Variants in RABGAP1 observed in about 807,000 individuals in gnomAD.
RABGAP1 encodes RAB GTPase activating protein 1.
Under a neutral mutation model 137.6 loss-of-function variants are expected in RABGAP1, and 23 were observed. The observed-to-expected ratio is 0.17, with a 90% CI of 0.12 to 0.24. RABGAP1 has a LOEUF of 0.24. Among genes scored for constraint, RABGAP1 ranks in the 10% least tolerant of loss-of-function variants. The pLI is 1.00. For missense variants in RABGAP1, 906 were observed against 1,275.8 expected (o/e 0.71, Z 4.42); for synonymous variants, 451 against 450.7 (o/e 1.00, Z -0.01).
intron 12 of RABGAP1, among the ~76,000 whole-genome samples, chr9:123,019,100 A>G (rs2031443052): frequency 6.6e-6 from 1 of 152,202 alleles, no homozygotes; most frequent in South Asian, 2.1e-4. Context: ...CACATTGTAC[A>G]TTTATACCAA....
At chr9:123,038,237 C>T (rs2032772693) in intron 13 of RABGAP1, among the ~76,000 whole-genome samples, 2 of 152,090 alleles carry the variant, frequency 1.3e-5, no homozygotes, top group African/African-American at 2.4e-5. Flanking sequence ...TTGACTCTTA[C>T]TCAAAATTCC....
intron 1 of RABGAP1, among the ~76,000 whole-genome samples, chr9:122,942,178 C>CA (rs1293955005): frequency 6.6e-6 from 1 of 151,478 alleles, no homozygotes; most frequent in African/African-American, 2.4e-5. Flanking sequence ...CAAAACAAAA[C>CA]AAAACAAAAA....
chr9:122,962,397 TA>T (rs1318488564), intron 2 of RABGAP1, among the ~76,000 whole-genome samples: 1 of 76,702 alleles, frequency 1.3e-5, no homozygotes, highest in Non-Finnish European at 5.9e-5. Flanking sequence ...TGTGTGTCTG[TA>T]GTCAGAAGGT....
chr9:123,052,484 GT>G (rs2033526160), intron 13 of RABGAP1, among the ~76,000 whole-genome samples: 1 of 152,204 alleles, frequency 6.6e-6, no homozygotes, highest in African/African-American at 2.4e-5. Context: ...TATTCAGTAA[GT>G]TTTTATCGGG....
intron 10 of RABGAP1, among the ~76,000 whole-genome samples, chr9:123,005,929 T>TGTTAAG (rs1257294720): frequency 6.6e-6 from 1 of 152,236 alleles, no homozygotes; most frequent in Non-Finnish European, 1.5e-5. Flanking sequence ...CTTAAGGATC[T>TGTTAAG]GTGAGGCAGT....
At chr9:123,064,101 CCT>C (rs1056768588) in intron 13 of RABGAP1, among the ~76,000 whole-genome samples, 2 of 152,124 alleles carry the variant, frequency 1.3e-5, no homozygotes, top group African/African-American at 2.4e-5. Flanking sequence ...GCTTGCTCTC[CCT>C]CTCTCTCCCA....
At chr9:123,031,839 G>A (rs900916789) in intron 13 of RABGAP1, among the ~76,000 whole-genome samples, 1 of 152,228 alleles carries the variant, frequency 6.6e-6, no homozygotes, top group Admixed American at 6.5e-5. Context: ...TGGAAAATGT[G>A]TGACTAGCAG....
At chr9:122,950,357 TTTTCTTTTTCTTTTTC>T (rs1413337987) in intron 1 of RABGAP1, among the ~76,000 whole-genome samples, 1 of 143,754 alleles carries the variant, frequency 7.0e-6, no homozygotes. Context: ...GGTGTCTTTT[TTTTCTTTTTCTTTTTC>T]TTTCTTTTTT....
chr9:123,046,103 C>A (rs1186970250), intron 13 of RABGAP1, among the ~76,000 whole-genome samples: 2 of 152,154 alleles, frequency 1.3e-5, no homozygotes, highest in Non-Finnish European at 2.9e-5. Flanking sequence ...TCCAGTTCTT[C>A]AACTGATGTT....
intron 2 of RABGAP1, among the ~76,000 whole-genome samples, chr9:122,973,802 G>A (rs979663834): frequency 3.9e-5 from 6 of 151,912 alleles, no homozygotes; most frequent in Admixed American, 3.9e-4. Flanking sequence ...CTGAGGTCAG[G>A]AGTTTGAGAC....
At chr9:122,948,323 G>C (rs940686330) in intron 1 of RABGAP1, among the ~76,000 whole-genome samples, 3 of 152,100 alleles carry the variant, frequency 2.0e-5, no homozygotes, top group African/African-American at 7.2e-5. Context: ...GATGGAGATA[G>C]GGACATCGAG....
At chr9:123,048,568 G>C (rs766092031) in intron 13 of RABGAP1, among the ~76,000 whole-genome samples, 1 of 152,194 alleles carries the variant, frequency 6.6e-6, no homozygotes, top group African/African-American at 2.4e-5. Flanking sequence ...GCTGTACTAA[G>C]AGAGCATTTG....
rs757014096 is a variant in RABGAP1, at chr9:122,996,093, G to A, written c.976G>A (p.Asp326Asn). The A allele has an allele frequency of 2.5e-6, 4 of 1,613,532 alleles. No homozygotes were observed. Among genetic ancestry groups the A allele is most frequent in the African/African-American group, 1.3e-5 (1 of 74,880 alleles). Residue 326 changes from aspartate (D) to asparagine (N), a missense_variant, in exon 7 of 26, where the codon GAT (aspartate) becomes AAT (asparagine). Coordinates refer to ENST00000373647, the MANE Select transcript of RABGAP1 (RefSeq NM_012197.4). ...RQCFKLRQGI[D>N]KKIVIYVQQT... ...GTGCTTTAAACTACGCCAAGGAATTGATAAGAAGATTGTCATCTATGTGCA... is the reference window on the plus strand; with the variant it reads ...GTGCTTTAAACTACGCCAAGGAATTAATAAGAAGATTGTCATCTATGTGCA...
intron 2 of RABGAP1, among the ~76,000 whole-genome samples, chr9:122,970,213 C>T (rs1198888516): frequency 2.0e-5 from 3 of 151,934 alleles, no homozygotes; most frequent in East Asian, 3.9e-4. Context: ...TATACCAGGT[C>T]CTGGAATTTT....
intron 13 of RABGAP1, chr9:123,029,329 TACTTAATAAAG>T: frequency 4.2e-6 from 3 of 710,210 alleles, no homozygotes; most frequent in Non-Finnish European, 7.4e-6. Flanking sequence ...TTTTTTTTTT[TACTTAATAAAG>T]TTTTATTTTT....
At chr9:123,036,096 T>C (rs539576094) in intron 13 of RABGAP1, among the ~76,000 whole-genome samples, 1 of 152,364 alleles carries the variant, frequency 6.6e-6, no homozygotes, top group East Asian at 1.9e-4. Context: ...AGAAATTACT[T>C]TTTATGTATG....
intron 19 of RABGAP1, among the ~76,000 whole-genome samples, chr9:123,088,698 A>C (rs138493512): frequency 6.6e-6 from 1 of 152,300 alleles, no homozygotes; most frequent in African/African-American, 2.4e-5. Context: ...AGGAAAAAAA[A>C]GCCAGTTGCA....
At chr9:122,981,468 C>T (rs1344656762) in intron 2 of RABGAP1, among the ~76,000 whole-genome samples, 4 of 152,060 alleles carry the variant, frequency 2.6e-5, no homozygotes, top group South Asian at 2.1e-4. Flanking sequence ...TTTGGATAGT[C>T]ATGGTCAAAA....
chr9:122,959,514 A>G (rs888926179), intron 2 of RABGAP1, among the ~76,000 whole-genome samples: 3 of 152,242 alleles, frequency 2.0e-5, no homozygotes, highest in Non-Finnish European at 4.4e-5. Context: ...ACAATTACAA[A>G]AATAAAACAT....
Sources: allele counts gnomAD v4.1 joint callset (sites outside exome capture counted in the v4.1 genomes callset), GRCh38; gene constraint gnomAD v4.1.1; transcripts MANE v1.5; gene names NCBI Gene and HGNC (gene_info 2026-07-23, HGNC 2026-07-21).